LRRC75A: variants seen among roughly 807,000 people sequenced by gnomAD.
LRRC75A encodes the protein leucine-rich repeat-containing protein 75A.
A neutral mutation model predicts 26.0 loss-of-function variants in LRRC75A; 12 were observed. That is an observed-to-expected ratio of 0.46 (90% CI 0.30 to 0.75). LRRC75A has a LOEUF of 0.75. Ranked by LOEUF, LRRC75A falls within the 30% of genes least tolerant of loss-of-function variation. The pLI is 0.08. For synonymous variants in LRRC75A, 223 were observed against 219.3 expected (o/e 1.02, Z -0.15); for missense variants, 410 against 486.6 (o/e 0.84, Z 1.48).
chr17:16,454,752 A>C (rs777747738), intron 2 of LRRC75A, among the ~76,000 whole-genome samples: 3 of 151,908 alleles, frequency 2.0e-5, no homozygotes, highest in Non-Finnish European at 4.4e-5. Flanking sequence ...AACCAAAAAA[A>C]CAAAAAAACC....
chr17:16,444,501 T>G (rs999966715), intron 3 of LRRC75A, among the ~76,000 whole-genome samples: 1 of 152,208 alleles, frequency 6.6e-6, no homozygotes, highest in Admixed American at 6.5e-5. Context: ...TCACCTGGAC[T>G]CAGCTTCCCA....
chr17:16,469,385 G>T (rs1293801087), intron 1 of LRRC75A, among the ~76,000 whole-genome samples: 1 of 152,012 alleles, frequency 6.6e-6, no homozygotes, highest in Non-Finnish European at 1.5e-5. Flanking sequence ...CATTTCTTCT[G>T]GATCGTGCTG....
At position 16,491,171 on chromosome 17, in the gene LRRC75A, T is replaced by C. The variant is rs1056418924; in HGVS notation, c.246+574A>G. On this transcript the variant is annotated intron_variant, in intron 1 of 3. Transcript: ENST00000470794. The surrounding 1 kb of genome is among the most constrained non-coding windows in gnomAD (Gnocchi z 5.9). ...TACCGCTTTCCGCAGGGGCTCATGG[T>C]TGAGGATCTGCTGAAGTTAGTCAGG... is the stretch of plus-strand genomic sequence containing the variant. Among the ~76,000 whole-genome samples, 1 of 152,236 alleles carries C rather than the reference T, an allele frequency of 6.6e-6. No homozygotes were observed. The highest frequency in any genetic ancestry group is 1.9e-4 in the East Asian group (1 of 5,188).
rs1400335256 is a variant in LRRC75A, at chr17:16,447,898, G to A, written c.438C>T (p.Pro146=). 1.9e-6 allele frequency: 3 copies of A among 1,550,472 alleles called. No individual in the cohort carries two copies. The highest frequency in any genetic ancestry group is 2.0e-5 in the Admixed American group (1 of 50,972). Residue 146 remains proline (P), a synonymous_variant, in exon 3 of 4, where the codon CCC becomes CCT. Transcript: ENST00000470794. ...LCRQLTYHLS[P]HSQWRRHRGL... is the part of the protein sequence containing the mutation. ...CCCGGTGCCGCCTCCACTGGGAGTG[G>A]GGGCTGAGGTGGTATGTCAGCTGCC...
intron 1 of LRRC75A, among the ~76,000 whole-genome samples, chr17:16,487,934 T>TGGGTTGG (rs1350722527): frequency 1.3e-5 from 2 of 152,172 alleles, no homozygotes; most frequent in African/African-American, 4.8e-5. Flanking sequence ...CCCATCAGCC[T>TGGGTTGG]CTTCTCATGG....
intron 1 of LRRC75A, among the ~76,000 whole-genome samples, chr17:16,480,629 C>CAAA (rs749950024): frequency 0.029 from 2,311 of 80,820 alleles, 211 homozygotes; most frequent in African/African-American, 0.094. Context: ...GACTTCGTCT[C>CAAA]AAAAAAAAAA....
chr17:16,462,932 C>T lies in LRRC75A; in HGVS notation c.247-546G>A, dbSNP rs532244626. Reference sequence around the variant, plus strand: ...CCAGAAGGAAACCTCATCAGGACTCCCTCAGAAAGGTACTGAGTGGAATCT... The same window carrying T: ...CCAGAAGGAAACCTCATCAGGACTCTCTCAGAAAGGTACTGAGTGGAATCT... On this transcript the variant is annotated intron_variant, in intron 1 of 3. Coordinates refer to ENST00000470794, the MANE Select transcript of LRRC75A (RefSeq NM_001113567.3). This position sits in a 1 kb window ranked among gnomAD's most constrained non-coding sequence, Gnocchi z 4.6. The T allele has an allele frequency of 6.3e-6, 1 of 159,084 alleles. No individual in the cohort carries two copies. Among genetic ancestry groups the T allele is most frequent in the South Asian group, 1.8e-4 (1 of 5,546 alleles). 9.9% of individuals were successfully genotyped at this position (159,084 alleles called of 1,614,324 possible).
intron 1 of LRRC75A, among the ~76,000 whole-genome samples, chr17:16,465,984 C>T (rs1385764129): frequency 2.6e-5 from 4 of 152,236 alleles, no homozygotes; most frequent in African/African-American, 9.6e-5. Context: ...GGTCCCAGGG[C>T]TACAACAGGG....
intron 1 of LRRC75A, among the ~76,000 whole-genome samples, chr17:16,475,383 C>T (rs112895641): frequency 2.3e-4 from 35 of 152,160 alleles, no homozygotes; most frequent in African/African-American, 7.5e-4. Flanking sequence ...TGGGGGCTGG[C>T]GAGTCTGAAA....
intron 1 of LRRC75A, among the ~76,000 whole-genome samples, chr17:16,466,272 C>A (rs1368131613): frequency 6.6e-6 from 1 of 152,218 alleles, no homozygotes; most frequent in Non-Finnish European, 1.5e-5. Context: ...CAGGAGGCTG[C>A]AGCCTGGGCC....
intron 2 of LRRC75A, among the ~76,000 whole-genome samples, chr17:16,457,403 C>G (rs553588555): frequency 6.6e-6 from 1 of 152,310 alleles, no homozygotes; most frequent in African/African-American, 2.4e-5. Flanking sequence ...CTCTCTTCCC[C>G]CTGGCTTCCA....
intron 1 of LRRC75A, among the ~76,000 whole-genome samples, chr17:16,477,292 A>T (rs2093823467): frequency 6.6e-6 from 1 of 152,240 alleles, no homozygotes; most frequent in African/African-American, 2.4e-5. Context: ...AAAATTAACC[A>T]TCACAAGCTA....
chr17:16,448,473 A>G (rs2093604916), intron 2 of LRRC75A, among the ~76,000 whole-genome samples: 1 of 152,222 alleles, frequency 6.6e-6, no homozygotes, highest in African/African-American at 2.4e-5. Context: ...GTGAGAACAA[A>G]TGAATGAGGA....
intron 3 of LRRC75A, 67 bp from the exon 4 acceptor site, chr17:16,444,198 G>A (rs2093560445): frequency 3.9e-6 from 5 of 1,285,600 alleles, no homozygotes; most frequent in Non-Finnish European, 5.3e-6. Context: ...AAGCTGCAGT[G>A]CCAGCCTCTG....
rs1199730472 is a variant in LRRC75A, at chr17:16,492,050, GC to G, written c.-61del. On this transcript the variant is annotated 5_prime_UTR_variant, in exon 1 of 4. Transcript: ENST00000470794. ...CCGCGAGGCCGCGTCCCCGCCAACC[GC>G]CCGCCCCTCGGCCGCCCGTGCGCGC... 1 of 1,090,804 alleles carries G rather than the reference GC, an allele frequency of 9.2e-7. No individual in the cohort carries two copies. Among genetic ancestry groups the G allele is most frequent in the African/African-American group, 1.7e-5 (1 of 59,236 alleles). 67.6% of individuals were successfully genotyped at this position (1,090,804 alleles called of 1,614,324 possible). A position where few individuals can be genotyped will look rare whatever the true frequency, so the allele number is the denominator to read the frequency against.
chr17:16,470,467 A>G (rs537591319), intron 1 of LRRC75A: 1 of 152,280 alleles, frequency 6.6e-6, no homozygotes, highest in Non-Finnish European at 1.5e-5. Flanking sequence ...CCAGAAGGAA[A>G]TTAATTAGAG....
In LRRC75A at chr17:16,462,402, ATGCCCAGAGGTCAGGGCTGGC is replaced by A. The variant is rs757802303; in HGVS notation, c.247-37_247-17del. The A allele has an allele frequency of 1.2e-6, 2 of 1,613,626 alleles. No individual in the cohort carries two copies. ...TGCCCAGGTCCTGCAAGAGCAAAGG[ATGCCCAGAGGTCAGGGCTGGC>A]TGCCCACCCAGCTCGCCCACCATCC... On this transcript the variant is annotated splice_polypyrimidine_tract_variant and intron_variant, in intron 1 of 3. Coordinates refer to ENST00000470794, the MANE Select transcript of LRRC75A (RefSeq NM_001113567.3). This position sits in a 1 kb window ranked among gnomAD's most constrained non-coding sequence, Gnocchi z 4.6.
At chr17:16,471,743 C>CA (rs1278299427) in intron 1 of LRRC75A, among the ~76,000 whole-genome samples, 2 of 152,226 alleles carry the variant, frequency 1.3e-5, no homozygotes, top group Non-Finnish European at 2.9e-5. Flanking sequence ...GAAATGCTGA[C>CA]ACTGTCCACG....
intron 1 of LRRC75A, among the ~76,000 whole-genome samples, chr17:16,466,881 T>C (rs909211878): frequency 2.0e-5 from 3 of 152,186 alleles, no homozygotes; most frequent in South Asian, 4.1e-4. Context: ...CTGTAGACTT[T>C]GGGGAAGCAC....
Sources: gnomAD v4.1 joint callset for allele counts (sites outside exome capture counted in the v4.1 genomes callset) on GRCh38, gnomAD v4.1.1 for gene constraint, Gnocchi (gnomAD v3.1) non-coding constraint, MANE v1.5 for transcripts, NCBI Gene and HGNC (gene_info 2026-07-23, HGNC 2026-07-21) for gene names.